Variants in HTR3B observed in about 807,000 individuals in gnomAD.
HTR3B encodes the protein 5-hydroxytryptamine (serotonin) receptor 3B, ionotropic.
In HTR3B, 44 loss-of-function variants were observed where a neutral mutation model predicts 42.8. The ratio of observed to expected loss-of-function variants is 1.03; its 90% CI spans 0.81 to 1.32. The LOEUF is 1.32. Among genes scored for constraint, HTR3B ranks in the 40% most tolerant of loss-of-function variants. The pLI, the probability that HTR3B is intolerant of heterozygous loss-of-function variation, is 0.00. For synonymous variants in HTR3B, 203 were observed against 209.0 expected, an observed-to-expected ratio of 0.97 and a Z score of 0.25; for missense variants, 527 against 536.5, an observed-to-expected ratio of 0.98 and a Z score of 0.17.
chr11:113,939,601 C>T (rs2137533789), intron 6 of HTR3B, among the ~76,000 whole-genome samples: 1 of 152,238 alleles, frequency 6.6e-6, no homozygotes, highest in South Asian at 2.1e-4. Flanking sequence ...CTTGAGGGGC[C>T]ACACCATCCA....
upstream of HTR3B, among the ~76,000 whole-genome samples, chr11:113,899,869 G>T (rs557512911): frequency 2.0e-5 from 3 of 152,156 alleles, no homozygotes; most frequent in Admixed American, 2.0e-4. Flanking sequence ...ATATTTTCAG[G>T]TACTTTCTTA....
At chr11:113,940,403 C>G (rs967003274) in intron 6 of HTR3B, among the ~76,000 whole-genome samples, 23 of 152,222 alleles carry the variant, frequency 1.5e-4, no homozygotes, top group African/African-American at 5.1e-4. Flanking sequence ...CATAATACCC[C>G]CATGGACTCT....
rs1185606142 is a variant in HTR3B at position 113,947,312 on chromosome 11, A to G, written c.*1175A>G. 6.6e-6 allele frequency among the ~76,000 whole-genome samples: 1 copy of G among 152,160 alleles called. No homozygotes were observed. The highest frequency in any genetic ancestry group is 1.5e-5 in the Non-Finnish European group (1 of 68,022). Reference sequence around the variant, plus strand: ...AGCAGGTGCCAAGGCTTCTAAGCCCAGTCTAGCACATCATTTAGTCCACAC... The same window carrying G: ...AGCAGGTGCCAAGGCTTCTAAGCCCGGTCTAGCACATCATTTAGTCCACAC... On this transcript the variant is annotated 3_prime_UTR_variant, in exon 9 of 9. Transcript: ENST00000260191.
chr11:113,926,157 A>T (rs1296168629), intron 2 of HTR3B, among the ~76,000 whole-genome samples: 1 of 152,168 alleles, frequency 6.6e-6, no homozygotes, highest in African/African-American at 2.4e-5. Context: ...TTCACTTAGC[A>T]TGCTTTCAAA....
Position 113,947,986 on chromosome 11 carries a change from TC to T in HTR3B, c.*1855del, listed in dbSNP as rs1315100110. On this transcript the variant is annotated 3_prime_UTR_variant, in exon 9 of 9. Coordinates refer to ENST00000260191, the MANE Select transcript of HTR3B (RefSeq NM_006028.5). ...CTTTAGAAAAATCTGCCCCCCTCCA[TC>T]CCCCCAAAGAAAAAGAATTTAAATT... 6.7e-6 allele frequency among the ~76,000 whole-genome samples: 1 copy of T among 149,246 alleles called. No homozygotes were observed. The highest frequency in any genetic ancestry group is 1.5e-5 in the Non-Finnish European group (1 of 67,386).
intron 5 of HTR3B, among the ~76,000 whole-genome samples, 177 bp from the exon 6 acceptor site, chr11:113,932,759 T>C (rs920367250): frequency 2.6e-5 from 4 of 152,188 alleles, no homozygotes; most frequent in African/African-American, 9.7e-5. Context: ...GTTGTTGTTT[T>C]TTTATGACTA....
In HTR3B at chr11:113,909,446, A is replaced by C. The variant is rs1311036140; in HGVS notation, c.204A>C (p.Ile68=). The C allele has an allele frequency of 6.2e-7, 1 of 1,613,924 alleles. No individual in the cohort carries two copies. Residue 68 remains isoleucine, a synonymous_variant, in exon 2 of 9, where the codon ATA becomes ATC. Transcript: ENST00000260191. ...ACCTGGACCTGTTCGTCCATGCTATATTGGATGTGGTAAGGACCATCTTGC... is the reference window on the plus strand; with the variant it reads ...ACCTGGACCTGTTCGTCCATGCTATCTTGGATGTGGTAAGGACCATCTTGC... ...TVYLDLFVHA[I]LDVDAENQIL... is the part of the protein sequence containing the mutation.
chr11:113,922,587 G>C (rs1009771767), intron 2 of HTR3B, among the ~76,000 whole-genome samples: 1 of 151,008 alleles, frequency 6.6e-6, no homozygotes, highest in East Asian at 2.0e-4. Flanking sequence ...ACGCAGTCTC[G>C]CTCTGTCGCC....
intron 2 of HTR3B, among the ~76,000 whole-genome samples, chr11:113,917,284 C>T (rs1338896525): frequency 2.6e-5 from 4 of 152,014 alleles, no homozygotes; most frequent in African/African-American, 9.7e-5. Flanking sequence ...AGGTGCCTGC[C>T]ACCACGCCCA....
Position 113,948,568 on chromosome 11 carries a change from T to C in HTR3B, c.*2431T>C, listed in dbSNP as rs1950196210. 6.6e-6 allele frequency among the ~76,000 whole-genome samples: 1 copy of C among 152,188 alleles called. No homozygotes were observed. Among genetic ancestry groups the C allele is most frequent in the Admixed American group, 6.5e-5 (1 of 15,284 alleles). On this transcript the variant is annotated 3_prime_UTR_variant, in exon 9 of 9. Coordinates refer to ENST00000260191, the MANE Select transcript of HTR3B (RefSeq NM_006028.5). Reference sequence around the variant, plus strand: ...AATGAAAAAATGTATTGAACAATGCTTTGAAAAGTAAATAATGGGGCGTGG... The same window carrying C: ...AATGAAAAAATGTATTGAACAATGCCTTGAAAAGTAAATAATGGGGCGTGG...
At chr11:113,914,535 T>A (rs1330132948) in intron 2 of HTR3B, among the ~76,000 whole-genome samples, 1 of 151,270 alleles carries the variant, frequency 6.6e-6, no homozygotes, top group Non-Finnish European at 1.5e-5. Context: ...CAGGCTGGAG[T>A]CCAGGGACAC....
intron 2 of HTR3B, among the ~76,000 whole-genome samples, chr11:113,931,055 A>G (rs1950029966): frequency 6.6e-6 from 1 of 152,216 alleles, no homozygotes; most frequent in African/African-American, 2.4e-5. Context: ...TTTTAGCCCA[A>G]AATTACTAAG....
intron 4 of HTR3B, among the ~76,000 whole-genome samples, chr11:113,932,070 T>C (rs1184192244): frequency 6.6e-6 from 1 of 152,170 alleles, no homozygotes; most frequent in Admixed American, 6.5e-5. Flanking sequence ...GGTTACTCAT[T>C]ATGTCTGTGT....
upstream of HTR3B, chr11:113,904,729 G>A: frequency 1.9e-6 from 1 of 514,532 alleles, no homozygotes; most frequent in Non-Finnish European, 3.5e-6. Context: ...ATTTCATGAC[G>A]GCATCAATTC....
At chr11:113,917,182 G>C (rs1949862959) in intron 2 of HTR3B, among the ~76,000 whole-genome samples, 1 of 151,032 alleles carries the variant, frequency 6.6e-6, no homozygotes, top group Non-Finnish European at 1.5e-5. Context: ...CCCCAGGCTG[G>C]AGTGCAGTGG....
At chr11:113,940,437 G>T (rs1314332108) in intron 6 of HTR3B, among the ~76,000 whole-genome samples, 1 of 152,010 alleles carries the variant, frequency 6.6e-6, no homozygotes, top group Non-Finnish European at 1.5e-5. Context: ...CCTTTTTCCT[G>T]CCCCCACCTA....
chr11:113,930,782 C>A (rs963864971), intron 2 of HTR3B, among the ~76,000 whole-genome samples: 1 of 152,056 alleles, frequency 6.6e-6, no homozygotes, highest in African/African-American at 2.4e-5. Context: ...AACCACTGTG[C>A]CCAGCCAGGA....
intron 2 of HTR3B, among the ~76,000 whole-genome samples, chr11:113,922,632 T>C (rs1325096005): frequency 6.6e-6 from 1 of 152,094 alleles, no homozygotes; most frequent in Non-Finnish European, 1.5e-5. Flanking sequence ...CTCGGCTCAC[T>C]ACAAGCTCCG....
chr11:113,929,968 G>A (rs1038462409), intron 2 of HTR3B, among the ~76,000 whole-genome samples: 2 of 152,086 alleles, frequency 1.3e-5, no homozygotes, highest in Admixed American at 6.6e-5. Context: ...TCCTGATCTC[G>A]TGATCCACCC....
Sources: allele counts gnomAD v4.1 joint callset (sites outside exome capture counted in the v4.1 genomes callset), GRCh38; gene constraint gnomAD v4.1.1; transcripts MANE v1.5; gene names NCBI Gene and HGNC (gene_info 2026-07-23, HGNC 2026-07-21).